The following DNAH12 variants were observed in gnomAD, a reference collection of about 807,000 sequenced individuals.
DNAH12 encodes the protein axonemal beta dynein heavy chain 12.
Under a neutral mutation model 371.5 loss-of-function variants are expected in DNAH12, and 285 were observed. That is an observed-to-expected ratio of 0.77 (90% CI 0.70 to 0.85). The LOEUF is 0.85. Ranked by LOEUF, DNAH12 falls within the 40% of genes least tolerant of loss-of-function variation. The pLI, the probability that DNAH12 is intolerant of heterozygous loss-of-function variation, is 0.00. For missense variants in DNAH12, 3,611 were observed against 3,689.4 expected (o/e 0.98, Z 0.55); for synonymous variants, 1,200 against 1,213.0 (o/e 0.99, Z 0.22).
At chr3:57,396,568 G>A (rs2063746440) in intron 43 of DNAH12, among the ~76,000 whole-genome samples, 1 of 151,744 alleles carries the variant, frequency 6.6e-6, no homozygotes, top group Non-Finnish European at 1.5e-5. Flanking sequence ...TGATTCTTCT[G>A]CCTCAGCCTC....
intron 11 of DNAH12, among the ~76,000 whole-genome samples, chr3:57,491,081 C>CA (rs553885449): frequency 0.022 from 1,576 of 70,300 alleles, 50 homozygotes; most frequent in African/African-American, 0.035. Flanking sequence ...GACTCTATCT[C>CA]AAAAAAAAAA....
intron 34 of DNAH12, among the ~76,000 whole-genome samples, chr3:57,427,908 T>G (rs1175125708): frequency 1.3e-5 from 2 of 151,700 alleles, no homozygotes; most frequent in Non-Finnish European, 2.9e-5. Flanking sequence ...CAATTTCTGG[T>G]TTTTGGGTGT....
chr3:57,505,045 G>A (rs372704049), intron 8 of DNAH12, among the ~76,000 whole-genome samples: 19 of 151,820 alleles, frequency 1.3e-4, no homozygotes, highest in African/African-American at 3.9e-4. Flanking sequence ...AAGCTACCAC[G>A]CCTGGCTAAT....
At chr3:57,348,203 C>A (rs1217409955) in intron 60 of DNAH12, among the ~76,000 whole-genome samples, 8 of 152,006 alleles carry the variant, frequency 5.3e-5, no homozygotes, top group Non-Finnish European at 2.9e-5. Flanking sequence ...AGCTAGCAAG[C>A]CATGAAAAGA....
chr3:57,406,094 T>A, intron 40 of DNAH12, 142 bp from the exon 41 acceptor site: 3 of 848,960 alleles, frequency 3.5e-6, no homozygotes, highest in Non-Finnish European at 5.3e-6. Context: ...CTCACATCTG[T>A]AATCGCAGCA....
chr3:57,524,666 G>A (rs1179984864), intron 2 of DNAH12, among the ~76,000 whole-genome samples: 1 of 152,048 alleles, frequency 6.6e-6, no homozygotes, highest in African/African-American at 2.4e-5. Flanking sequence ...ACTTTCATCT[G>A]TGAAGGCCAC....
At chr3:57,539,966 G>T (rs1421799002) in intron 2 of DNAH12, among the ~76,000 whole-genome samples, 1 of 151,866 alleles carries the variant, frequency 6.6e-6, no homozygotes, top group Non-Finnish European at 1.5e-5. Context: ...AGGTTAACAT[G>T]ACTTTTTTGT....
chr3:57,467,257 T>C (rs1425932727), intron 17 of DNAH12, among the ~76,000 whole-genome samples: 1 of 152,150 alleles, frequency 6.6e-6, no homozygotes, highest in Non-Finnish European at 1.5e-5. Context: ...TAGCTGGGAT[T>C]ACAGGTATGC....
chr3:57,532,767 T>G (rs1217436456), intron 2 of DNAH12, among the ~76,000 whole-genome samples: 1 of 152,196 alleles, frequency 6.6e-6, no homozygotes, highest in African/African-American at 2.4e-5. Context: ...ACCACTCAAC[T>G]GTGCTAGGTC....
intron 13 of DNAH12, among the ~76,000 whole-genome samples, chr3:57,473,879 A>G (rs2066442099): frequency 6.6e-6 from 1 of 152,172 alleles, no homozygotes; most frequent in Non-Finnish European, 1.5e-5. Context: ...TATGATCAAC[A>G]CAGTAGATGC....
chr3:57,374,396 G>A (rs1212518818), intron 55 of DNAH12, among the ~76,000 whole-genome samples: 1 of 152,134 alleles, frequency 6.6e-6, no homozygotes, highest in African/African-American at 2.4e-5. Context: ...AGATGATAGT[G>A]TCACTACATA....
chr3:57,403,058 AAC>A (rs1435281158), intron 43 of DNAH12, among the ~76,000 whole-genome samples: 4 of 152,158 alleles, frequency 2.6e-5, no homozygotes, highest in African/African-American at 4.8e-5. Flanking sequence ...GCTTCGGTAA[AAC>A]ACAGAGACAA....
intron 29 of DNAH12, among the ~76,000 whole-genome samples, chr3:57,438,918 C>CGAAAAAAAAAAAGAAA (rs562343761): frequency 1.1e-5 from 1 of 94,496 alleles, no homozygotes; most frequent in Non-Finnish European, 2.0e-5. Context: ...CTGTCTCAGA[C>CGAAAAAAAAAAAGAAA]AAAAAAAAAA....
rs561711461 is a variant in DNAH12, at chr3:57,435,600, G to A, written c.4655+1351C>T. Among the ~76,000 whole-genome samples the A allele has an allele frequency of 7.9e-5, 12 of 152,082 alleles. No homozygotes were observed. The South Asian group carries it at 2.5e-3, about 32-fold the overall frequency. The stretch of plus-strand genomic sequence containing the variant: ...GATAAAAAGCTGATTGTTTTTGAGG[G>A]AGTTTACTGACCAAAAAAACTGTGA... On this transcript the variant is annotated intron_variant, in intron 30 of 73. Coordinates refer to ENST00000495027, the MANE Select transcript of DNAH12 (RefSeq NM_001366028.2).
At chr3:57,371,769 G>A in intron 55 of DNAH12, among the ~76,000 whole-genome samples, 1 of 129,540 alleles carries the variant, frequency 7.7e-6, no homozygotes, top group African/African-American at 2.5e-5. Flanking sequence ...ATTTCCAGAG[G>A]GAAAAAAAGA....
intron 12 of DNAH12, among the ~76,000 whole-genome samples, chr3:57,483,811 G>A (rs879610151): frequency 1.3e-5 from 2 of 151,624 alleles, no homozygotes; most frequent in Non-Finnish European, 2.9e-5. Context: ...AATTAGCTGG[G>A]CATGGTGGCA....
the DNAH12 span, among the ~76,000 whole-genome samples, chr3:57,555,242 TAAAAAATA>T: frequency 6.6e-6 from 1 of 151,964 alleles, no homozygotes; most frequent in African/African-American, 2.4e-5. Flanking sequence ...AGGCCCTACC[TAAAAAATA>T]AAAAAATAAA....
intron 2 of DNAH12, among the ~76,000 whole-genome samples, chr3:57,527,947 T>G (rs1352342406): frequency 6.6e-6 from 1 of 152,236 alleles, no homozygotes; most frequent in Non-Finnish European, 1.5e-5. Flanking sequence ...CAAGAAATCT[T>G]TTCCTACTCC....
At chr3:57,528,853 G>A (rs1442922816) in intron 2 of DNAH12, among the ~76,000 whole-genome samples, 2 of 151,574 alleles carry the variant, frequency 1.3e-5, no homozygotes, top group Non-Finnish European at 2.9e-5. Flanking sequence ...AGGCTGGAGT[G>A]CAGTGGCATG....
Sources: allele counts gnomAD v4.1 joint callset (sites outside exome capture counted in the v4.1 genomes callset), GRCh38; gene constraint gnomAD v4.1.1; transcripts MANE v1.5; gene names NCBI Gene and HGNC (gene_info 2026-07-23, HGNC 2026-07-21).